The following TCF20 variants were observed in gnomAD, a reference collection of about 807,000 sequenced individuals.
TCF20 encodes SPRE-binding protein.
In TCF20, 3 loss-of-function variants were observed where a neutral mutation model predicts 148.6. That is an observed-to-expected ratio of 0.02 (90% CI 0.01 to 0.05). TCF20 has a LOEUF of 0.05. Ranked by LOEUF, TCF20 falls within the 10% of genes least tolerant of loss-of-function variation. The probability of loss-of-function intolerance (pLI) is 1.00; values close to 1 mark genes in which losing one functional copy is unlikely to be tolerated. For missense variants in TCF20, 2,350 were observed against 2,429.3 expected, an observed-to-expected ratio of 0.97 and a Z score of 0.69; for synonymous variants, 1,049 against 909.5, an observed-to-expected ratio of 1.15 and a Z score of -2.76.
chr22:42,228,225 A>AAT (rs1176348698), intron 1 of TCF20, among the ~76,000 whole-genome samples: 1 of 152,172 alleles, frequency 6.6e-6, no homozygotes, highest in Non-Finnish European at 1.5e-5. Context: ...TGCATGGGTG[A>AAT]ATGTGGTGTT....
intron 1 of TCF20, among the ~76,000 whole-genome samples, chr22:42,262,940 C>T (rs1019377885): frequency 6.6e-6 from 1 of 152,120 alleles, no homozygotes; most frequent in African/African-American, 2.4e-5. Flanking sequence ...TGCTCTTAGA[C>T]ACTGGACTAA....
intron 2 of TCF20, among the ~76,000 whole-genome samples, chr22:42,182,159 G>A (rs1435955255): frequency 5.3e-5 from 8 of 152,200 alleles, no homozygotes; most frequent in African/African-American, 4.8e-5. Context: ...GGGTGCTGCT[G>A]TAGAAGGGTT....
At position 42,213,946 on chromosome 22, in the gene TCF20, T is replaced by C. The variant is rs751848227; in HGVS notation, c.1360A>G (p.Ser454Gly). 6.2e-7 allele frequency: 1 copy of C among 1,614,180 alleles called. No homozygotes were observed. Among genetic ancestry groups the C allele is most frequent in the Non-Finnish European group, 8.5e-7 (1 of 1,180,018 alleles). Residue 454 changes from serine to glycine, a missense_variant, in exon 2 of 6, where the codon AGT becomes GGT. Physicochemically the swap from Ser to Gly is moderately conservative, Grantham distance 56. Around this residue, in one of 7 missense-constraint regions of TCF20, gnomAD observed 1,641 missense variants for 1,662.6 expected, o/e 0.99. Coordinates refer to ENST00000677622, the MANE Select transcript of TCF20 (RefSeq NM_001378418.1). Reference sequence around the variant, plus strand: ...TGAGTACTCAGAGCACTCAAACTACTCAACCCAGGATCTGTCAGTCGCTTT... The same window carrying C: ...TGAGTACTCAGAGCACTCAAACTACCCAACCCAGGATCTGTCAGTCGCTTT... ...PEKRLTDPGL[S>G]SLSALSTQVA...
intron 2 of TCF20, among the ~76,000 whole-genome samples, chr22:42,205,816 G>T (rs1160449727): frequency 6.6e-6 from 1 of 152,156 alleles, no homozygotes; most frequent in Non-Finnish European, 1.5e-5. Context: ...CAGTCGCCCA[G>T]GCTAGAGTGC....
At position 42,215,412 on chromosome 22, in the gene TCF20, G is replaced by A. The variant is rs1921660197; in HGVS notation, c.-36-71C>T. 8 of 1,486,482 alleles carry A rather than the reference G, an allele frequency of 5.4e-6. 1 individual carries two copies. Among genetic ancestry groups the A allele is most frequent in the Non-Finnish European group, 7.1e-6 (8 of 1,122,190 alleles). The allele number at this position is 1,486,482 out of a possible 1,614,324, so 92.1% of individuals were successfully genotyped here. On this transcript the variant is annotated intron_variant, in intron 1 of 5. Transcript: ENST00000677622. ...ACAAATAAAATCAAGTCTAGATGATGGAGGGAATAAAGATGAATCAGAGGC... is the reference window on the plus strand; with the variant it reads ...ACAAATAAAATCAAGTCTAGATGATAGAGGGAATAAAGATGAATCAGAGGC...
chr22:42,280,133 G>A (rs867198858), intron 1 of TCF20, among the ~76,000 whole-genome samples: 2 of 152,244 alleles, frequency 1.3e-5, no homozygotes, highest in Non-Finnish European at 2.9e-5. Context: ...TCAATGGGCA[G>A]ATGATACCGC....
intron 1 of TCF20, among the ~76,000 whole-genome samples, chr22:42,328,915 C>T (rs1569210922): frequency 6.6e-6 from 1 of 152,230 alleles, no homozygotes; most frequent in Non-Finnish European, 1.5e-5. Context: ...TCTCCAGCCT[C>T]GTGCCTCCCT....
intron 1 of TCF20, among the ~76,000 whole-genome samples, chr22:42,229,245 A>G (rs914172670): frequency 4.6e-5 from 7 of 152,184 alleles, no homozygotes; most frequent in African/African-American, 1.7e-4. Flanking sequence ...GTCCATAATT[A>G]TGGAATGGCA....
At chr22:42,304,346 G>A (rs982875510) in intron 1 of TCF20, among the ~76,000 whole-genome samples, 2 of 152,232 alleles carry the variant, frequency 1.3e-5, no homozygotes, top group Non-Finnish European at 2.9e-5. Flanking sequence ...AGGGTGGTGA[G>A]CACAGGGAGG....
intron 1 of TCF20, among the ~76,000 whole-genome samples, chr22:42,332,572 C>T (rs887832303): frequency 6.6e-6 from 1 of 152,118 alleles, no homozygotes; most frequent in East Asian, 1.9e-4. Context: ...GGTACCATCT[C>T]GGCTCACTGC....
At chr22:42,197,621 T>G (rs1439178931) in intron 2 of TCF20, among the ~76,000 whole-genome samples, 1 of 152,138 alleles carries the variant, frequency 6.6e-6, no homozygotes. Context: ...CGTGCCCGGC[T>G]GGGATGAGAA....
chr22:42,180,297 G>T (rs1396975860), intron 2 of TCF20, among the ~76,000 whole-genome samples: 3 of 152,056 alleles, frequency 2.0e-5, no homozygotes, highest in African/African-American at 7.2e-5. Flanking sequence ...TTTTATACAT[G>T]AATCTTATTT....
chr22:42,188,403 A>T (rs1304585486), intron 2 of TCF20, among the ~76,000 whole-genome samples: 1 of 152,094 alleles, frequency 6.6e-6, no homozygotes, highest in Admixed American at 6.6e-5. Context: ...ACGAAAGTAA[A>T]AACACCAGAC....
At chr22:42,312,619 G>A (rs1028660216) in intron 1 of TCF20, among the ~76,000 whole-genome samples, 1 of 152,152 alleles carries the variant, frequency 6.6e-6, no homozygotes, top group African/African-American at 2.4e-5. Flanking sequence ...TCCCCAGGGT[G>A]TGGAGTGGGC....
At chr22:42,232,906 A>G (rs927640269) in intron 1 of TCF20, among the ~76,000 whole-genome samples, 2 of 152,028 alleles carry the variant, frequency 1.3e-5, no homozygotes, top group Non-Finnish European at 2.9e-5. Context: ...GAGTGTTTAA[A>G]TTATGTGCAA....
intron 1 of TCF20, among the ~76,000 whole-genome samples, chr22:42,253,684 C>G (rs1045712098): frequency 6.6e-6 from 1 of 152,106 alleles, no homozygotes; most frequent in Non-Finnish European, 1.5e-5. Flanking sequence ...GTAGAGTGAA[C>G]TGGCATTCCT....
intron 1 of TCF20, among the ~76,000 whole-genome samples, chr22:42,283,770 C>G (rs1360364380): frequency 6.6e-6 from 1 of 151,836 alleles, no homozygotes; most frequent in Non-Finnish European, 1.5e-5. Flanking sequence ...GCGGGCACGC[C>G]TCGCACGCCA....
intron 1 of TCF20, among the ~76,000 whole-genome samples, chr22:42,322,706 G>A (rs969642229): frequency 6.6e-6 from 1 of 151,692 alleles, no homozygotes; most frequent in African/African-American, 2.4e-5. Context: ...GAGTGTCTGA[G>A]GGAATGAATA....
intron 1 of TCF20, among the ~76,000 whole-genome samples, chr22:42,220,019 T>TG (rs1215307962): frequency 6.6e-6 from 1 of 152,210 alleles, no homozygotes; most frequent in Non-Finnish European, 1.5e-5. Context: ...CCAGAGTCCA[T>TG]GTGCCGACCT....
Sources: gnomAD v4.1 joint callset for allele counts (sites outside exome capture counted in the v4.1 genomes callset) on GRCh38, gnomAD v4.1.1 for gene constraint, gnomAD v4.1.1 regional missense constraint, MANE v1.5 for transcripts, NCBI Gene and HGNC (gene_info 2026-07-23, HGNC 2026-07-21) for gene names.